The following LAS1L variants were observed in gnomAD, a reference collection of about 807,000 sequenced individuals.
LAS1L encodes LAS1 like ribosome biogenesis factor.
LAS1L carries 5 observed loss-of-function variants against 57.3 expected under a neutral mutation model. The ratio of observed to expected loss-of-function variants is 0.09; its 90% CI spans 0.05 to 0.18. LAS1L has a LOEUF of 0.18. LAS1L is among the 10% of genes least tolerant of loss of function. The pLI is 1.00. For synonymous variants in LAS1L, 245 were observed against 231.7 expected, an observed-to-expected ratio of 1.06 and a Z score of -0.52; for missense variants, 360 against 568.3, an observed-to-expected ratio of 0.63 and a Z score of 3.73.
intron 5 of LAS1L, 127 bp downstream of exon 5, chrX:65,529,467 G>T: frequency 1.2e-6 from 1 of 831,829 alleles, no homozygotes; most frequent in Non-Finnish European, 1.7e-6. Context: ...GTTTGTGACA[G>T]TAATTTTTTA....
intron 10 of LAS1L, 141 bp from the exon 11 acceptor site, chrX:65,523,848 C>A (rs2068985060): frequency 1.3e-6 from 1 of 792,952 alleles, no homozygotes; most frequent in East Asian, 3.5e-5. Flanking sequence ...GAATTCAGGG[C>A]ACTTTGCCCC....
intron 11 of LAS1L, among the ~76,000 whole-genome samples, chrX:65,519,970 G>A (rs997147320): frequency 9.8e-5 from 11 of 111,870 alleles, no homozygotes; most frequent in Non-Finnish European, 1.9e-5. Flanking sequence ...CAGATGAAAA[G>A]CCAGAGAGAA....
At chrX:65,522,586 G>A (rs138410664) in intron 11 of LAS1L, 4 of 111,339 alleles carry the variant, frequency 3.6e-5, no homozygotes, top group Non-Finnish European at 7.5e-5. Flanking sequence ...AGCTGAAGGT[G>A]CTGATGATGA....
rs754023056 is a variant in LAS1L, at chrX:65,530,813, C to CA, written c.514+543dup. On this transcript the variant is annotated intron_variant, in intron 4 of 13. Transcript: ENST00000374811. ...TGGGTGACAGAGTGAGACTCTGTCTCAAAAAAAAAAAAAAAAAAAGTTAAT... is the reference window on the plus strand; with the variant it reads ...TGGGTGACAGAGTGAGACTCTGTCTCAAAAAAAAAAAAAAAAAAAAGTTAAT... Among the ~76,000 whole-genome samples, 375 of 41,907 alleles carry CA rather than the reference C, an allele frequency of 8.9e-3. 4 individuals are homozygous for CA. Among genetic ancestry groups the CA allele is most frequent in the Middle Eastern group, 0.028 (2 of 72 alleles). The allele number at this position is 41,907 out of a possible 115,157, so 36.4% of individuals were successfully genotyped here.
intron 11 of LAS1L, chrX:65,518,953 C>T: frequency 2.7e-6 from 2 of 753,886 alleles, no homozygotes; most frequent in Non-Finnish European, 3.1e-6. Flanking sequence ...CTGCGTGGAA[C>T]ACAAACTGTG....
rs180782564 is a variant in LAS1L at position 65,531,589 on chromosome X, G to A, written c.433-151C>T. The A allele has an allele frequency of 1.8e-3, 785 of 432,564 alleles. 6 individuals are homozygous for A. The highest frequency in any genetic ancestry group is 0.017 in the African/African-American group (690 of 40,410). 35.6% of individuals were successfully genotyped at this position (432,564 alleles called of 1,213,427 possible). On this transcript the variant is annotated intron_variant, in intron 3 of 13. Transcript: ENST00000374811. ...AAAGAAGATTCCAATCACAGTGACAGAGCCAAGAAAAAAAAACAGCTCTTC... is the reference window on the plus strand; with the variant it reads ...AAAGAAGATTCCAATCACAGTGACAAAGCCAAGAAAAAAAAACAGCTCTTC...
At chrX:65,523,960 G>A (rs2068990421) in intron 10 of LAS1L, 96 bp downstream of exon 10, 7 of 898,411 alleles carry the variant, frequency 7.8e-6, no homozygotes, top group South Asian at 4.3e-5. Context: ...CACGGGAGGT[G>A]TTTGCCTGGT....
At chrX:65,531,228 T>A (rs1390318721) in intron 4 of LAS1L, 129 bp downstream of exon 4, 6 of 392,103 alleles carry the variant, frequency 1.5e-5, no homozygotes, top group Non-Finnish European at 2.7e-5. Context: ...AGGCGAGGCC[T>A]CACTTCTTTC....
chrX:65,514,142 C>A (rs1439834766), intron 13 of LAS1L, among the ~76,000 whole-genome samples: 8 of 112,116 alleles, frequency 7.1e-5, no homozygotes, highest in African/African-American at 2.6e-4. Context: ...ATTATCTGGT[C>A]AGAATGGCCC....
At chrX:65,531,226 C>G in intron 4 of LAS1L, 131 bp downstream of exon 4, 1 of 385,827 alleles carries the variant, frequency 2.6e-6, no homozygotes, top group Non-Finnish European at 4.6e-6. Context: ...CAAGGCGAGG[C>G]CTCACTTCTT....
chrX:65,528,441 T>C, intron 6 of LAS1L, 72 bp from the exon 7 acceptor site: 1 of 595,344 alleles, frequency 1.7e-6, no homozygotes, highest in East Asian at 3.6e-5. Context: ...CCAGGATCCC[T>C]TCCCATAGGA....
intron 7 of LAS1L, among the ~76,000 whole-genome samples, chrX:65,528,020 T>C (rs560783161): frequency 9.0e-6 from 1 of 111,032 alleles, no homozygotes; most frequent in Non-Finnish European, 1.9e-5. Flanking sequence ...GGCCAGCAGA[T>C]GGATGATAGT....
intron 7 of LAS1L, among the ~76,000 whole-genome samples, chrX:65,527,501 C>T (rs2069224897): frequency 1.8e-5 from 2 of 111,075 alleles, no homozygotes; most frequent in Middle Eastern, 4.6e-3. Flanking sequence ...CGCACCACTG[C>T]ACTCCAGCCT....
chrX:65,513,971 C>A (rs952207608), intron 13 of LAS1L, among the ~76,000 whole-genome samples: 7 of 112,533 alleles, frequency 6.2e-5, no homozygotes, highest in African/African-American at 2.3e-4. Context: ...GAGTCCATGG[C>A]ATTGCCTTGG....
intron 6 of LAS1L, among the ~76,000 whole-genome samples, chrX:65,528,786 A>G (rs1022438222): frequency 2.7e-5 from 3 of 112,452 alleles, no homozygotes; most frequent in Admixed American, 9.4e-5. Flanking sequence ...TCACTCATCC[A>G]TGGCTTCAAT....
At chrX:65,528,469 G>GA in intron 6 of LAS1L, 100 bp from the exon 7 acceptor site, 1 of 501,494 alleles carries the variant, frequency 2.0e-6, no homozygotes, top group Non-Finnish European at 3.5e-6. Context: ...GCACTGCCCT[G>GA]CAGGGGACAG....
intron 11 of LAS1L, chrX:65,521,059 C>T: frequency 1.3e-6 from 1 of 753,204 alleles, no homozygotes; most frequent in Non-Finnish European, 1.6e-6. Flanking sequence ...GAGCACACAT[C>T]TGGCAATGTG....
intron 7 of LAS1L, among the ~76,000 whole-genome samples, chrX:65,525,826 C>G (rs2069114102): frequency 1.9e-5 from 2 of 107,586 alleles, no homozygotes; most frequent in Non-Finnish European, 3.8e-5. Context: ...ACACCAGCAA[C>G]AGCAAGCTGA....
intron 10 of LAS1L, 60 bp downstream of exon 10, chrX:65,523,996 G>GT: frequency 3.8e-6 from 4 of 1,063,053 alleles, no homozygotes; most frequent in Non-Finnish European, 5.2e-6. Context: ...GCTGAGGACA[G>GT]TGGCAGAGGC....
Sources: gnomAD v4.1 joint callset for allele counts (sites outside exome capture counted in the v4.1 genomes callset) on GRCh38, gnomAD v4.1.1 for gene constraint, MANE v1.5 for transcripts, NCBI Gene and HGNC (gene_info 2026-07-23, HGNC 2026-07-21) for gene names.